WASF2: variants seen among roughly 807,000 people sequenced by gnomAD.
The protein encoded by WASF2 is actin-binding protein WASF2.
WASF2 carries 14 observed loss-of-function variants against 45.0 expected under a neutral mutation model. The ratio of observed to expected loss-of-function variants is 0.31; its 90% confidence interval spans 0.21 to 0.49. The LOEUF is 0.49. Among genes scored for constraint, WASF2 ranks in the 20% least tolerant of loss-of-function variants. The pLI is 0.99. For synonymous variants in WASF2, 200 were observed against 236.3 expected, an observed-to-expected ratio of 0.85 and a Z score of 1.41; for missense variants, 439 against 636.1, an observed-to-expected ratio of 0.69 and a Z score of 3.33.
intron 8 of WASF2, 69 bp downstream of exon 8, chr1:27,409,623 C>T: frequency 7.2e-7 from 1 of 1,394,236 alleles, no homozygotes; most frequent in Non-Finnish European, 9.3e-7. Context: ...CCTCACCCAT[C>T]CCCCAATCAG....
chr1:27,443,283 C>A (rs1427352374), intron 1 of WASF2, among the ~76,000 whole-genome samples: 2 of 129,770 alleles, frequency 1.5e-5, no homozygotes, highest in African/African-American at 3.0e-5. Flanking sequence ...CCCACCCAGG[C>A]AACAAGAGCA....
At chr1:27,468,487 A>G (rs1280512219) in intron 1 of WASF2, among the ~76,000 whole-genome samples, 1 of 151,560 alleles carries the variant, frequency 6.6e-6, no homozygotes, top group Admixed American at 6.6e-5. Context: ...CTAAAAATAC[A>G]AAAATTAGCT....
At chr1:27,447,473 G>C (rs1557609454) in intron 1 of WASF2, among the ~76,000 whole-genome samples, 2 of 152,204 alleles carry the variant, frequency 1.3e-5, no homozygotes, top group African/African-American at 2.4e-5. Context: ...AAATGGATGA[G>C]GCTGGCTGTG....
rs535810916 is a variant in WASF2, at chr1:27,481,528, G to A, written c.-44+8458C>T. Among the ~76,000 whole-genome samples, 249 of 151,960 alleles carry A rather than the reference G, an allele frequency of 1.6e-3. 8 individuals carry two copies. The highest frequency in any genetic ancestry group is 0.016 in the Admixed American group (243 of 15,240). ...AGCCTGGCCAACATGACAAAACCCC[G>A]TCTCTACTAAAAATACAAAAATTAG... On this transcript the variant is annotated intron_variant, in intron 1 of 8. Coordinates refer to ENST00000618852, the MANE Select transcript of WASF2 (RefSeq NM_006990.5).
At chr1:27,433,081 TAAA>T (rs1245827269) in intron 1 of WASF2, among the ~76,000 whole-genome samples, 2 of 152,232 alleles carry the variant, frequency 1.3e-5, no homozygotes, top group African/African-American at 4.8e-5. Context: ...GATAAATATT[TAAA>T]AATACTTTTA....
At chr1:27,442,372 C>T (rs1333179308) in intron 1 of WASF2, among the ~76,000 whole-genome samples, 1 of 151,590 alleles carries the variant, frequency 6.6e-6, no homozygotes, top group African/African-American at 2.4e-5. Flanking sequence ...GGTAAAACCC[C>T]GTCTCTACTA....
chr1:27,474,293 A>G (rs570171864), intron 1 of WASF2, among the ~76,000 whole-genome samples: 120 of 152,078 alleles, frequency 7.9e-4, no homozygotes, highest in Middle Eastern at 3.4e-3. Context: ...ATCTTCAAGC[A>G]CCTCAATTTA....
chr1:27,425,838 C>CAAAAA (rs57916899), intron 2 of WASF2, among the ~76,000 whole-genome samples: 37 of 50,586 alleles, frequency 7.3e-4, no homozygotes, highest in African/African-American at 1.5e-3. Flanking sequence ...GACTCCGTCT[C>CAAAAA]AAAAAAAAAA....
intron 1 of WASF2, among the ~76,000 whole-genome samples, chr1:27,473,455 C>CA (rs752426888): frequency 0.036 from 1,722 of 47,856 alleles, 17 homozygotes; most frequent in East Asian, 0.068. Context: ...ACTCCATGGC[C>CA]AAAAAAAAAA....
rs568890517 is a variant in WASF2 at position 27,456,733 on chromosome 1, C to CTT, written c.-43-27802_-43-27801dup. Among the ~76,000 whole-genome samples, 484 of 132,148 alleles carry CTT rather than the reference C, an allele frequency of 3.7e-3. 3 individuals are homozygous for CTT. Among genetic ancestry groups the CTT allele is most frequent in the African/African-American group, 0.012 (435 of 36,108 alleles). 86.7% of individuals were successfully genotyped at this position (132,148 alleles called of 152,430 possible). A position where few individuals can be genotyped will look rare whatever the true frequency, so the allele number is the denominator to read the frequency against. On this transcript the variant is annotated intron_variant, in intron 1 of 8. Transcript: ENST00000618852. ...TTTATTTAATAGTTAAAGGTTTTCTCTTTTTTTTTTTTTTTTTTGGAGACA... is the reference window on the plus strand; with the variant it reads ...TTTATTTAATAGTTAAAGGTTTTCTCTTTTTTTTTTTTTTTTTTTTGGAGACA...
At position 27,410,308 on chromosome 1, in the gene WASF2, T is replaced by C. The variant is rs2016745456; in HGVS notation, c.825-102A>G. 6.6e-7 allele frequency: 1 copy of C among 1,511,692 alleles called. No homozygotes were observed. The highest frequency in any genetic ancestry group is 1.3e-5 in the South Asian group (1 of 78,332). 93.6% of individuals were successfully genotyped at this position (1,511,692 alleles called of 1,614,324 possible). A position where few individuals can be genotyped will look rare whatever the true frequency, so the allele number is the denominator to read the frequency against. ...GACCGAGGTTTATCTTGGTTGACTA[T>C]ACCATTTCACTTTCACTTAAACAGA... is the stretch of plus-strand genomic sequence containing the variant. On this transcript the variant is annotated intron_variant, in intron 7 of 8. Coordinates refer to ENST00000618852, the MANE Select transcript of WASF2 (RefSeq NM_006990.5). This position sits in a 1 kb window ranked among gnomAD's most constrained non-coding sequence, Gnocchi z 4.2.
chr1:27,488,622 C>T (rs1427694572), intron 1 of WASF2, among the ~76,000 whole-genome samples: 1 of 152,172 alleles, frequency 6.6e-6, no homozygotes, highest in South Asian at 2.1e-4. Context: ...TTACGACTTA[C>T]AAATAGTTCT....
chr1:27,488,836 TTAAG>T (rs1423945617), intron 1 of WASF2, among the ~76,000 whole-genome samples: 1 of 152,206 alleles, frequency 6.6e-6, no homozygotes, highest in Non-Finnish European at 1.5e-5. Context: ...AACAATTTAG[TTAAG>T]TAACCTCTGC....
chr1:27,450,333 C>T (rs920419709), intron 1 of WASF2, among the ~76,000 whole-genome samples: 1 of 152,104 alleles, frequency 6.6e-6, no homozygotes, highest in African/African-American at 2.4e-5. Context: ...ATAATTAGCA[C>T]ATGTCCAAAG....
At position 27,489,708 on chromosome 1, in the gene WASF2, G is replaced by A. The variant is rs562121007; in HGVS notation, c.-44+278C>T. On this transcript the variant is annotated intron_variant, in intron 1 of 8. Transcript: ENST00000618852. Reference sequence around the variant, plus strand: ...TGACTTGCTCAAGATCACACAGCGAGCTGATGGCAGAACCAGGTCAGGCCG... The same window carrying A: ...TGACTTGCTCAAGATCACACAGCGAACTGATGGCAGAACCAGGTCAGGCCG... Among the ~76,000 whole-genome samples, 5 of 152,328 alleles carry A rather than the reference G, an allele frequency of 3.3e-5. No homozygotes were observed. The South Asian group carries it at 6.2e-4, about 19-fold the overall frequency.
At chr1:27,447,792 T>A (rs2017330055) in intron 1 of WASF2, among the ~76,000 whole-genome samples, 2 of 152,306 alleles carry the variant, frequency 1.3e-5, no homozygotes, top group South Asian at 4.1e-4. Flanking sequence ...TAAAACTAAG[T>A]CTCTTGCAAA....
At chr1:27,420,767 C>A (rs370444893) in intron 2 of WASF2, among the ~76,000 whole-genome samples, 49 of 152,162 alleles carry the variant, frequency 3.2e-4, no homozygotes, top group African/African-American at 6.3e-4. Flanking sequence ...AGGTGATCTG[C>A]CCACCTCAGC....
intron 1 of WASF2, among the ~76,000 whole-genome samples, chr1:27,449,340 A>G (rs1413861383): frequency 2.6e-5 from 4 of 152,116 alleles, no homozygotes; most frequent in African/African-American, 9.7e-5. Context: ...GCTCACGCCT[A>G]TAATCCCAGC....
At chr1:27,459,131 A>T (rs1285468869) in intron 1 of WASF2, among the ~76,000 whole-genome samples, 1 of 152,078 alleles carries the variant, frequency 6.6e-6, no homozygotes, top group Non-Finnish European at 1.5e-5. Context: ...TCTAAAAAAA[A>T]AAAAAAGTTT....
Sources: allele counts gnomAD v4.1 joint callset (sites outside exome capture counted in the v4.1 genomes callset), GRCh38; gene constraint gnomAD v4.1.1; non-coding constraint Gnocchi (gnomAD v3.1); transcripts MANE v1.5; gene names NCBI Gene and HGNC (gene_info 2026-07-23, HGNC 2026-07-21).